Variants in PUM2 observed in about 807,000 individuals in gnomAD.
PUM2 encodes the protein pumilio homolog 2.
Under a neutral mutation model 124.5 loss-of-function variants are expected in PUM2, and 57 were observed. The ratio of observed to expected loss-of-function variants is 0.46; its 90% CI spans 0.37 to 0.57. PUM2 has a LOEUF of 0.57. Ranked by LOEUF, PUM2 falls within the 20% of genes least tolerant of loss-of-function variation. The pLI, the probability that PUM2 is intolerant of heterozygous loss-of-function variation, is 0.00. For synonymous variants in PUM2, 460 were observed against 446.1 expected (o/e 1.03, Z -0.39); for missense variants, 1,065 against 1,290.6 (o/e 0.83, Z 2.68).
At position 20,321,019 on chromosome 2, in the gene PUM2, A is replaced by G. The variant is rs183172724; in HGVS notation, c.52-2374T>C. ...TGTAATAACTAATAAAGCATTTATC[A>G]CAGACAAAGAAGTGGCTAAAATAGA... On this transcript the variant is annotated intron_variant, in intron 2 of 20. Transcript: ENST00000361078. 6.5e-3 allele frequency among the ~76,000 whole-genome samples: 997 copies of G among 152,352 alleles called. 6 individuals carry two copies. Among genetic ancestry groups the G allele is most frequent in the African/African-American group, 0.022 (922 of 41,586 alleles).
intron 19 of PUM2, 82 bp from the exon 20 acceptor site, chr2:20,254,096 T>C: frequency 1.7e-6 from 2 of 1,184,974 alleles, no homozygotes; most frequent in Non-Finnish European, 2.4e-6. Context: ...AAGAATCTTC[T>C]CCAATGAACA....
chr2:20,346,173 T>C (rs1317530304), intron 1 of PUM2, among the ~76,000 whole-genome samples: 2 of 152,234 alleles, frequency 1.3e-5, no homozygotes, highest in African/African-American at 4.8e-5. Flanking sequence ...CTGGAGCCAC[T>C]ATCCTCTCAA....
chr2:20,326,242 C>G, intron 2 of PUM2: 1 of 1,299,920 alleles, frequency 7.7e-7, no homozygotes, highest in Non-Finnish European at 1.0e-6. Context: ...AATACTTAAG[C>G]TTAAGCACCT....
At chr2:20,342,760 C>A (rs1461118618) in intron 1 of PUM2, among the ~76,000 whole-genome samples, 1 of 152,092 alleles carries the variant, frequency 6.6e-6, no homozygotes, top group Non-Finnish European at 1.5e-5. Context: ...GCATGAATTG[C>A]GGTTTTTAAA....
chr2:20,307,542 G>A (rs1374234800), intron 7 of PUM2, among the ~76,000 whole-genome samples: 2 of 152,152 alleles, frequency 1.3e-5, no homozygotes, highest in African/African-American at 4.8e-5. Flanking sequence ...TATTATTGTG[G>A]GAGGTAGTGG....
intron 1 of PUM2, among the ~76,000 whole-genome samples, chr2:20,333,601 G>C (rs1473279313): frequency 6.6e-6 from 1 of 152,028 alleles, no homozygotes; most frequent in Non-Finnish European, 1.5e-5. Flanking sequence ...ATTAATATAG[G>C]ACATTTACAT....
At chr2:20,314,441 A>C (rs1680393678) in intron 3 of PUM2, among the ~76,000 whole-genome samples, 1 of 152,242 alleles carries the variant, frequency 6.6e-6, no homozygotes, top group African/African-American at 2.4e-5. Flanking sequence ...GTAGTATTTA[A>C]GATCTGAGAG....
rs80351776 is a variant in PUM2, at chr2:20,305,012, T to A, written c.883+2966A>T. Among the ~76,000 whole-genome samples, 1,066 of 152,262 alleles carry A rather than the reference T, an allele frequency of 7.0e-3. 11 individuals carry two copies. Among genetic ancestry groups the A allele is most frequent in the African/African-American group, 0.024 (981 of 41,544 alleles). ...CCAGGCAAATTTGGATAAAAAAGATTGTCAATAATGAATTTGCTTAACTGT... is the reference window on the plus strand; with the variant it reads ...CCAGGCAAATTTGGATAAAAAAGATAGTCAATAATGAATTTGCTTAACTGT... On this transcript the variant is annotated intron_variant, in intron 7 of 20. Transcript: ENST00000361078.
chr2:20,308,539 C>T lies in PUM2; in HGVS notation c.564G>A (p.Glu188=). 3 of 1,613,992 alleles carry T rather than the reference C, an allele frequency of 1.9e-6. No homozygotes were observed. The highest frequency in any genetic ancestry group is 2.5e-6 in the Non-Finnish European group (3 of 1,179,888). Residue 188 remains glutamate, a synonymous_variant, in exon 6 of 21, where the codon GAG becomes GAA. Transcript: ENST00000361078. ...SRQASPTEVV[E]RLGPNTNPSE... is the part of the protein sequence containing the mutation. ...AGGGATTAGTATTGGGGCCCAAGCG[C>T]TCAACTACTTCAGTTGGAGAGGCTT...
chr2:20,292,253 C>G (rs1674317401), intron 9 of PUM2, among the ~76,000 whole-genome samples: 1 of 151,454 alleles, frequency 6.6e-6, no homozygotes, highest in South Asian at 2.1e-4. Flanking sequence ...GTGCACGGAG[C>G]CCCAGAGCTT....
chr2:20,312,461 T>G, intron 3 of PUM2, 38 bp from the exon 4 acceptor site: 1 of 1,539,224 alleles, frequency 6.5e-7, no homozygotes, highest in Non-Finnish European at 8.8e-7. Context: ...TACTTATACT[T>G]TTAAGTTAAA....
In PUM2 at chr2:20,308,387, T is replaced by G. The variant is rs749121881; in HGVS notation, c.716A>C (p.Tyr239Ser). 2 of 1,614,114 alleles carry G rather than the reference T, an allele frequency of 1.2e-6. No homozygotes were observed. The highest frequency in any genetic ancestry group is 1.7e-6 in the Non-Finnish European group (2 of 1,179,962). Residue 239 changes from tyrosine to serine, a missense_variant, in exon 6 of 21, where the codon TAT becomes TCT. Transcript: ENST00000361078. Reference protein sequence around the residue: ...QVGLESLQFDYPGNQVPMDSS... With the variant: ...QVGLESLQFDSPGNQVPMDSS... ...GTCCATTGGTACCTGATTACCAGGATAGTCAAACTGTAAGGATTCCAGACC... is the reference window on the plus strand; with the variant it reads ...GTCCATTGGTACCTGATTACCAGGAGAGTCAAACTGTAAGGATTCCAGACC...
intron 1 of PUM2, chr2:20,350,392 C>A (rs1689101395): frequency 3.6e-6 from 3 of 822,924 alleles, no homozygotes; most frequent in Non-Finnish European, 4.4e-6. Context: ...GGCGCCCCCT[C>A]CCCCGCACGC....
At chr2:20,345,847 G>A (rs920644190) in intron 1 of PUM2, among the ~76,000 whole-genome samples, 2 of 152,188 alleles carry the variant, frequency 1.3e-5, no homozygotes, top group Non-Finnish European at 2.9e-5. Flanking sequence ...ACTCCAGCCT[G>A]GGCAACAAGA....
rs1037846813 is a variant in PUM2 at position 20,350,799 on chromosome 2, CAG to C, written c.-223_-222del. On this transcript the variant is annotated 5_prime_UTR_variant, in exon 1 of 21. Coordinates refer to ENST00000361078, the MANE Select transcript of PUM2 (RefSeq NM_015317.5). Reference sequence around the variant, plus strand: ...CCACCGAAGTACCGAGGGTGAGACACAGAGACTCACAACAACATGGCTGCCAC... The same window carrying C: ...CCACCGAAGTACCGAGGGTGAGACACAGACTCACAACAACATGGCTGCCAC... 1.2e-4 allele frequency: 116 copies of C among 980,526 alleles called. 1 individual carries two copies. The South Asian group carries it at 4.5e-3, about 38-fold the overall frequency. 60.7% of individuals were successfully genotyped at this position (980,526 alleles called of 1,614,324 possible). A position where few individuals can be genotyped will look rare whatever the true frequency, so the allele number is the denominator to read the frequency against.
At chr2:20,307,401 T>C (rs897572599) in intron 7 of PUM2, among the ~76,000 whole-genome samples, 5 of 152,056 alleles carry the variant, frequency 3.3e-5, no homozygotes, top group Non-Finnish European at 7.4e-5. Context: ...CTACACCTGA[T>C]AAAATAAAAT....
chr2:20,288,503 T>TAA (rs1438336719), intron 10 of PUM2, among the ~76,000 whole-genome samples: 2 of 152,176 alleles, frequency 1.3e-5, no homozygotes, highest in African/African-American at 4.8e-5. Context: ...AGAGCAGAGA[T>TAA]AAAGCTTTTT....
At position 20,294,592 on chromosome 2, in the gene PUM2, C is replaced by T. The variant is rs368034717; in HGVS notation, c.1010-74G>A. 1.5e-5 allele frequency: 22 copies of T among 1,451,340 alleles called. No homozygotes were observed. In the African/African-American group the frequency reaches 3.0e-4, roughly 20 times the overall value. The allele number at this position is 1,451,340 out of a possible 1,614,324, so 89.9% of individuals were successfully genotyped here. On this transcript the variant is annotated intron_variant, in intron 8 of 20. Coordinates refer to ENST00000361078, the MANE Select transcript of PUM2 (RefSeq NM_015317.5). ...AGACATGAGGTTAGCTACCTATCAT[C>T]AGATTATAAAAGGGGGCAGGAAGAA...
intron 14 of PUM2, among the ~76,000 whole-genome samples, chr2:20,261,393 CCAAAAAAAAAAAA>C (rs1393380305): frequency 1.5e-4 from 2 of 13,004 alleles, no homozygotes; most frequent in African/African-American, 1.1e-3. Context: ...GACTCTGTCT[CCAAAAAAAAAAAA>C]AAAAAAAAAA....
Sources: allele counts gnomAD v4.1 joint callset (sites outside exome capture counted in the v4.1 genomes callset), GRCh38; gene constraint gnomAD v4.1.1; transcripts MANE v1.5; gene names NCBI Gene and HGNC (gene_info 2026-07-23, HGNC 2026-07-21).